Variants in ZBBX observed in about 807,000 individuals in gnomAD.
ZBBX encodes zinc finger B-box domain containing.
In ZBBX, 101 loss-of-function variants were observed where a neutral mutation model predicts 108.5. The observed-to-expected ratio is 0.93, with a 90% CI of 0.79 to 1.10. The LOEUF (loss-of-function observed/expected upper bound fraction) is 1.10, where lower values mean the gene tolerates loss of function less well. ZBBX is among the 50% of genes least tolerant of loss of function. The pLI, the probability that ZBBX is intolerant of heterozygous loss-of-function variation, is 0.00. For synonymous variants in ZBBX, 356 were observed against 323.4 expected (o/e 1.10, Z -1.08); for missense variants, 1,009 against 941.4 (o/e 1.07, Z -0.94).
rs760026741 is a variant in ZBBX, at chr3:167,282,222, A to G, written c.2254+16T>C. ...TTAATTAGCATTATCTAAAGTGAAAAAAAAAATAGGATTACCTGCAAGAGA... is the reference window on the plus strand; with the variant it reads ...TTAATTAGCATTATCTAAAGTGAAAGAAAAAATAGGATTACCTGCAAGAGA... On this transcript the variant is annotated intron_variant, in intron 20 of 21. Coordinates refer to ENST00000675490, the MANE Select transcript of ZBBX (RefSeq NM_001199201.2). The G allele has an allele frequency of 5.7e-6, 9 of 1,592,604 alleles. No homozygotes were observed. Among genetic ancestry groups the G allele is most frequent in the Non-Finnish European group, 7.7e-6 (9 of 1,170,372 alleles).
At chr3:167,367,467 G>C (rs1326319931) in intron 5 of ZBBX, among the ~76,000 whole-genome samples, 1 of 151,482 alleles carries the variant, frequency 6.6e-6, no homozygotes, top group African/African-American at 2.4e-5. Flanking sequence ...TAGCCACTAA[G>C]AAAATTAGGC....
At chr3:167,196,319 T>G in the ZBBX span, among the ~76,000 whole-genome samples, 4 of 152,192 alleles carry the variant, frequency 2.6e-5, no homozygotes, top group Non-Finnish European at 5.9e-5. Context: ...GTGAAAGAAA[T>G]AAATGCAATT....
intron 6 of ZBBX, among the ~76,000 whole-genome samples, chr3:167,365,153 C>T (rs549316539): frequency 7.3e-5 from 11 of 151,724 alleles, no homozygotes; most frequent in East Asian, 1.9e-4. Context: ...GAGAATAAAA[C>T]GCTTTCTCAA....
chr3:167,195,274 T>A, the ZBBX span, among the ~76,000 whole-genome samples: 1 of 152,146 alleles, frequency 6.6e-6, no homozygotes, highest in Non-Finnish European at 1.5e-5. Context: ...CTCTGATGGT[T>A]TTTTTCTCAG....
At chr3:167,406,336 A>G (rs533378830) in intron 1 of ZBBX, among the ~76,000 whole-genome samples, 46 of 152,344 alleles carry the variant, frequency 3.0e-4, no homozygotes, top group African/African-American at 1.1e-3. Flanking sequence ...TTAGTAATTT[A>G]TATAATTGGA....
chr3:167,403,212 A>G (rs1403646), intron 1 of ZBBX, among the ~76,000 whole-genome samples: 21,391 of 152,146 alleles, frequency 0.14, 1,639 homozygotes, highest in East Asian at 0.29. Context: ...AGAATGCATC[A>G]TGTAAGAGGG....
At chr3:167,295,679 A>T (rs934551861) in intron 18 of ZBBX, among the ~76,000 whole-genome samples, 6 of 142,042 alleles carry the variant, frequency 4.2e-5, no homozygotes, top group Admixed American at 7.2e-5. Flanking sequence ...GTGAAATTTT[A>T]AAAAAAAATC....
intron 4 of ZBBX, among the ~76,000 whole-genome samples, chr3:167,370,657 T>A (rs1484789507): frequency 1.3e-5 from 2 of 152,114 alleles, no homozygotes; most frequent in Non-Finnish European, 2.9e-5. Context: ...ATTGTATGGA[T>A]CTCACACAAA....
At chr3:167,396,585 G>C (rs1437862726) in intron 1 of ZBBX, among the ~76,000 whole-genome samples, 2 of 151,966 alleles carry the variant, frequency 1.3e-5, no homozygotes, top group Non-Finnish European at 2.9e-5. Context: ...GCTTTGTTTT[G>C]TTGAAACTAA....
the ZBBX span, among the ~76,000 whole-genome samples, chr3:167,232,546 T>A: frequency 2.3e-4 from 35 of 151,816 alleles, no homozygotes; most frequent in African/African-American, 8.2e-4. Flanking sequence ...CAGACTTGAG[T>A]TCCCATCAGA....
chr3:167,264,808 C>T (rs1725188991), intron 20 of ZBBX, among the ~76,000 whole-genome samples: 1 of 152,230 alleles, frequency 6.6e-6, no homozygotes, highest in Admixed American at 6.5e-5. Flanking sequence ...GTCCTTCCCA[C>T]TCTTCTCTTC....
chr3:167,230,501 A>C, the ZBBX span, among the ~76,000 whole-genome samples: 1 of 151,852 alleles, frequency 6.6e-6, no homozygotes. Context: ...CTTTATATAC[A>C]GTGGCCAGTA....
At chr3:167,330,840 G>T (rs13066067) in intron 10 of ZBBX, among the ~76,000 whole-genome samples, 1 of 117,656 alleles carries the variant, frequency 8.5e-6, no homozygotes, top group Non-Finnish European at 1.7e-5. Flanking sequence ...AAGTAGAAGA[G>T]GAAGAGGAGG....
At chr3:167,242,220 T>C (rs1196947829) in intron 21 of ZBBX, among the ~76,000 whole-genome samples, 1 of 152,200 alleles carries the variant, frequency 6.6e-6, no homozygotes, top group Admixed American at 6.5e-5. Context: ...ATTTTCAATA[T>C]AATAAGAAAT....
intron 2 of ZBBX, among the ~76,000 whole-genome samples, chr3:167,374,553 T>C (rs76448095): frequency 0.02 from 3,095 of 152,288 alleles, 106 homozygotes; most frequent in African/African-American, 0.071. Context: ...GTCATTTATA[T>C]ATGTGTTCCT....
intron 8 of ZBBX, among the ~76,000 whole-genome samples, chr3:167,358,750 C>T (rs1744014565): frequency 6.6e-6 from 1 of 151,776 alleles, no homozygotes; most frequent in African/African-American, 2.4e-5. Context: ...TCCTGGCTAA[C>T]ATGGTGAAAC....
intron 20 of ZBBX, among the ~76,000 whole-genome samples, chr3:167,270,639 C>G (rs1560050211): frequency 6.6e-6 from 1 of 152,130 alleles, no homozygotes; most frequent in Non-Finnish European, 1.5e-5. Flanking sequence ...TCAATGCATC[C>G]ACTCTGTTGC....
intron 8 of ZBBX, among the ~76,000 whole-genome samples, chr3:167,357,743 A>G (rs1169831655): frequency 1.3e-5 from 2 of 152,180 alleles, no homozygotes; most frequent in African/African-American, 4.8e-5. Flanking sequence ...TTATTGCGGC[A>G]CTATTCACAA....
chr3:167,361,537 A>G (rs1412953995), intron 6 of ZBBX, among the ~76,000 whole-genome samples: 1 of 152,122 alleles, frequency 6.6e-6, no homozygotes, highest in East Asian at 1.9e-4. Context: ...GACTGCCTCT[A>G]TATCTATGGC....
Sources: gnomAD v4.1 joint callset for allele counts (sites outside exome capture counted in the v4.1 genomes callset) on GRCh38, gnomAD v4.1.1 for gene constraint, MANE v1.5 for transcripts, NCBI Gene and HGNC (gene_info 2026-07-23, HGNC 2026-07-21) for gene names.